The following VPS26A variants were observed in gnomAD, a reference collection of about 807,000 sequenced individuals.
The protein encoded by VPS26A is vacuolar protein sorting-associated protein 26A.
A neutral mutation model predicts 42.4 loss-of-function variants in VPS26A; 22 were observed. The ratio of observed to expected loss-of-function variants is 0.52; its 90% CI spans 0.37 to 0.74. The LOEUF (loss-of-function observed/expected upper bound fraction) is 0.74. Among genes scored for constraint, VPS26A ranks in the 30% least tolerant of loss-of-function variants. The pLI is 0.00. For synonymous variants in VPS26A, 110 were observed against 123.5 expected (o/e 0.89, Z 0.73); for missense variants, 276 against 379.2 (o/e 0.73, Z 2.26).
Position 69,157,099 on chromosome 10 carries a change from G to A in VPS26A, c.322G>A (p.Asp108Asn). The A allele has an allele frequency of 1.2e-6, 2 of 1,613,608 alleles. No individual in the cohort carries two copies. The highest frequency in any genetic ancestry group is 2.2e-5 in the South Asian group (2 of 91,032). Residue 108 changes from aspartate to asparagine, a missense_variant, in exon 4 of 9, where the codon GAT becomes AAT. Coordinates refer to ENST00000263559, the MANE Select transcript of VPS26A (RefSeq NM_004896.5). ...AGAACTGACTCAGAGCAGAAGTTAT[G>A]ATTTTGAATTTATGCAAGTTGAAAA... Reference protein sequence around the residue: ...PGELTQSRSYDFEFMQVEKPY... With the variant: ...PGELTQSRSYNFEFMQVEKPY...
chr10:69,168,762 G>T, intron 8 of VPS26A, 131 bp downstream of exon 8: 1 of 1,127,576 alleles, frequency 8.9e-7, no homozygotes, highest in South Asian at 1.9e-5. Context: ...GGGTATGATA[G>T]ATAAAGAAGT....
At position 69,171,812 on chromosome 10, in the gene VPS26A, G is replaced by C. The variant is rs982888971; in HGVS notation, c.*543G>C. The C allele has an allele frequency of 6.5e-6, 1 of 153,006 alleles. No homozygotes were observed. Among genetic ancestry groups the C allele is most frequent in the African/African-American group, 2.4e-5 (1 of 41,438 alleles). The allele number at this position is 153,006 out of a possible 1,614,324, so 9.5% of individuals were successfully genotyped here. ...TTTTTAACATATGTGTTTGAGAAAA[G>C]CATATGGAGTGTTTCACCGCAGGCA... On this transcript the variant is annotated 3_prime_UTR_variant, in exon 9 of 9. Coordinates refer to ENST00000263559, the MANE Select transcript of VPS26A (RefSeq NM_004896.5).
Position 69,166,063 on chromosome 10 carries a change from C to A in VPS26A, c.680C>A (p.Thr227Lys). The change falls in exon 7 of 9, where the codon ACA (threonine) becomes AAA (lysine). Residue 227 changes from threonine (T) to lysine (K), a missense_variant. Physicochemically the swap from Thr to Lys is moderately conservative, Grantham distance 78 (BLOSUM62 -1). Transcript: ENST00000263559. The part of the protein sequence containing the change: ...TGIGPSTTTE[T>K]ETIAKYEIMD... ...CTAGGACCCAGTACCACAACAGAAA[C>A]AGAAACAATCGCCAAATATGAAATA... 1.2e-6 allele frequency: 2 copies of A among 1,613,854 alleles called. No individual in the cohort carries two copies. Among genetic ancestry groups the A allele is most frequent in the South Asian group, 1.1e-5 (1 of 91,056 alleles).
chr10:69,128,868 C>T (rs981630169), intron 1 of VPS26A, among the ~76,000 whole-genome samples: 5 of 151,544 alleles, frequency 3.3e-5, no homozygotes, highest in African/African-American at 1.2e-4. Context: ...TTGTGGCTCA[C>T]GCCTGTAGTC....
At chr10:69,136,608 T>C (rs1019609369) in intron 2 of VPS26A, among the ~76,000 whole-genome samples, 10 of 151,892 alleles carry the variant, frequency 6.6e-5, no homozygotes, top group African/African-American at 2.2e-4. Context: ...AGTACCTAGA[T>C]TGATTTAACT....
intron 5 of VPS26A, among the ~76,000 whole-genome samples, chr10:69,159,412 A>G (rs1291388526): frequency 1.3e-5 from 2 of 151,834 alleles, no homozygotes; most frequent in African/African-American, 4.8e-5. Flanking sequence ...AGATTGAGAC[A>G]TATGTATTTA....
intron 2 of VPS26A, among the ~76,000 whole-genome samples, chr10:69,143,352 A>C (rs1203067305): frequency 6.6e-6 from 1 of 152,182 alleles, no homozygotes; most frequent in Admixed American, 6.5e-5. Flanking sequence ...TTGGCTTTGC[A>C]CTGTAGGATG....
chr10:69,127,540 G>A (rs1589341433), intron 1 of VPS26A, among the ~76,000 whole-genome samples: 2 of 148,988 alleles, frequency 1.3e-5, no homozygotes, highest in Non-Finnish European at 1.5e-5. Flanking sequence ...GCGAAAGAGC[G>A]AGACTCCATC....
intron 8 of VPS26A, 79 bp downstream of exon 8, chr10:69,168,710 G>C: frequency 6.6e-7 from 1 of 1,519,058 alleles, no homozygotes; most frequent in Non-Finnish European, 8.8e-7. Flanking sequence ...AAGCTTCACT[G>C]TACTGAGCGA....
intron 2 of VPS26A, among the ~76,000 whole-genome samples, chr10:69,154,699 C>CA (rs773643366): frequency 9.9e-5 from 15 of 152,030 alleles, no homozygotes; most frequent in Non-Finnish European, 1.5e-4. Context: ...CTCATCTCTA[C>CA]AAAAAAAATT....
chr10:69,124,359 G>T, intron 1 of VPS26A, 79 bp downstream of exon 1: 1 of 1,219,332 alleles, frequency 8.2e-7, no homozygotes, highest in East Asian at 3.4e-5. Flanking sequence ...CGCGGGCCGG[G>T]CGTCGCCGGA....
At chr10:69,153,411 T>G (rs373896120) in intron 2 of VPS26A, among the ~76,000 whole-genome samples, 15 of 152,120 alleles carry the variant, frequency 9.9e-5, no homozygotes, top group African/African-American at 3.4e-4. Context: ...TGGTGTAATC[T>G]TAGCTCATTG....
chr10:69,157,941 T>A, intron 4 of VPS26A, 106 bp from the exon 5 acceptor site: 1 of 999,168 alleles, frequency 1.0e-6, no homozygotes, highest in Non-Finnish European at 1.4e-6. Flanking sequence ...CCCAAAGGAG[T>A]TCCAGCAAGG....
intron 2 of VPS26A, among the ~76,000 whole-genome samples, chr10:69,134,797 TGAAAAAA>T (rs1840866955): frequency 6.6e-6 from 1 of 151,760 alleles, no homozygotes; most frequent in Non-Finnish European, 1.5e-5. Context: ...TTTTAAAAGA[TGAAAAAA>T]GAAAAAGGCC....
At chr10:69,130,949 G>A (rs1840762803) in intron 1 of VPS26A, among the ~76,000 whole-genome samples, 1 of 152,016 alleles carries the variant, frequency 6.6e-6, no homozygotes, top group Non-Finnish European at 1.5e-5. Context: ...ATTGATACTT[G>A]GATTGTTTCT....
At position 69,171,383 on chromosome 10, in the gene VPS26A, T is replaced by C; in HGVS notation, c.*114T>C. Reference sequence around the variant, plus strand: ...GGCGGAAAAAGGCCAAAACTCCATATATGTTAGTCTTCCTTTATCTTACAG... The same window carrying C: ...GGCGGAAAAAGGCCAAAACTCCATACATGTTAGTCTTCCTTTATCTTACAG... On this transcript the variant is annotated 3_prime_UTR_variant, in exon 9 of 9. Coordinates refer to ENST00000263559, the MANE Select transcript of VPS26A (RefSeq NM_004896.5). 2.7e-6 allele frequency: 2 copies of C among 750,960 alleles called. No individual in the cohort carries two copies. Among genetic ancestry groups the C allele is most frequent in the South Asian group, 1.7e-5 (1 of 58,988 alleles). 46.5% of individuals were successfully genotyped at this position (750,960 alleles called of 1,614,324 possible).
chr10:69,151,623 G>A (rs929886940), intron 2 of VPS26A, among the ~76,000 whole-genome samples: 14 of 152,172 alleles, frequency 9.2e-5, no homozygotes, highest in Admixed American at 8.5e-4. Flanking sequence ...AAGCAACTGT[G>A]TTTTAACATC....
rs1429712435 is a variant in VPS26A at position 69,156,998 on chromosome 10, AT to A, written c.230-6del. 8.3e-6 allele frequency: 13 copies of A among 1,575,508 alleles called. No individual in the cohort carries two copies. The highest frequency in any genetic ancestry group is 2.7e-5 in the African/African-American group (2 of 73,030). ...ATAATTGGTCTTTTTGCCTTTTAAA[AT>A]TTCTCAGAACTTTTCAATGACAAGA... On this transcript the variant is annotated splice_region_variant and splice_polypyrimidine_tract_variant and intron_variant, in intron 3 of 8. Coordinates refer to ENST00000263559, the MANE Select transcript of VPS26A (RefSeq NM_004896.5).
chr10:69,157,022 A>G lies in VPS26A; in HGVS notation c.245A>G (p.Lys82Arg). The change falls in exon 4 of 9, where the codon AAG (lysine) becomes AGG (arginine). Residue 82 changes from lysine (K) to arginine (R), a missense_variant. Coordinates refer to ENST00000263559, the MANE Select transcript of VPS26A (RefSeq NM_004896.5). ...AATTTCTCAGAACTTTTCAATGACA[A>G]GAGTAATACTCATGAATTTGTAAAC... ...FVGQIELFND[K>R]SNTHEFVNLV... The G allele has an allele frequency of 9.4e-6, 15 of 1,592,870 alleles. No homozygotes were observed. Among genetic ancestry groups the G allele is most frequent in the Admixed American group, 3.6e-5 (2 of 55,842 alleles).
Sources: gnomAD v4.1 joint callset for allele counts (sites outside exome capture counted in the v4.1 genomes callset) on GRCh38, gnomAD v4.1.1 for gene constraint, MANE v1.5 for transcripts, NCBI Gene and HGNC (gene_info 2026-07-23, HGNC 2026-07-21) for gene names.